The following PLBD2 variants were observed in gnomAD, a reference collection of about 807,000 sequenced individuals.
PLBD2 encodes phospholipase B domain containing 2.
Under a neutral mutation model 68.3 loss-of-function variants are expected in PLBD2, and 51 were observed. The ratio of observed to expected loss-of-function variants is 0.75; its 90% CI spans 0.60 to 0.94. The LOEUF is 0.94. Ranked by LOEUF, PLBD2 falls within the 40% of genes least tolerant of loss-of-function variation. The pLI is 0.00. For missense variants in PLBD2, 729 were observed against 792.2 expected (o/e 0.92, Z 0.96); for synonymous variants, 314 against 339.3 (o/e 0.93, Z 0.82).
Position 113,372,293 on chromosome 12 carries a change from G to A in PLBD2, c.385-356G>A, listed in dbSNP as rs1316433400. Among the ~76,000 whole-genome samples, 2 of 151,986 alleles carry A rather than the reference G, an allele frequency of 1.3e-5. No homozygotes were observed. The highest frequency in any genetic ancestry group is 4.8e-5 in the African/African-American group (2 of 41,390). Reference sequence around the variant, plus strand: ...GAATCAGAAGGGTTATTGCTGTTTTGTTCCCTGCTATGTCCTCAGTGCTTA... The same window carrying A: ...GAATCAGAAGGGTTATTGCTGTTTTATTCCCTGCTATGTCCTCAGTGCTTA... On this transcript the variant is annotated intron_variant, in intron 2 of 11. Transcript: ENST00000280800. This position sits in a 1 kb window ranked among gnomAD's most constrained non-coding sequence, Gnocchi z 4.2.
chr12:113,369,234 G>A (rs12146787), intron 2 of PLBD2, 25 bp downstream of exon 2: 98,733 of 1,557,850 alleles, frequency 0.063, 3,720 homozygotes, highest in Non-Finnish European at 0.077. Context: ...GGGGACATGG[G>A]GCTCCCACCC....
chr12:113,374,662 C>T (rs921745458), intron 4 of PLBD2, 88 bp downstream of exon 4: 2 of 1,447,556 alleles, frequency 1.4e-6, no homozygotes, highest in Non-Finnish European at 1.9e-6. Flanking sequence ...TCAACCTTGC[C>T]ACTCCCTGGC....
intron 5 of PLBD2, among the ~76,000 whole-genome samples, chr12:113,377,375 C>T (rs1957445068): frequency 6.6e-6 from 1 of 152,082 alleles, no homozygotes; most frequent in African/African-American, 2.4e-5. Flanking sequence ...TATCCCTTTC[C>T]AGGCACACCC....
In PLBD2 at chr12:113,358,665, CGCTGGCCCTGGT is replaced by C. The variant is rs1226944020; in HGVS notation, c.76_87del (p.Val26_Leu29del). 1.5e-5 allele frequency: 22 copies of C among 1,459,924 alleles called. No individual in the cohort carries two copies. Among genetic ancestry groups the C allele is most frequent in the East Asian group, 3.0e-5 (1 of 33,024 alleles). 90.4% of individuals were successfully genotyped at this position (1,459,924 alleles called of 1,614,324 possible). A position where few individuals can be genotyped will look rare whatever the true frequency, so the allele number is the denominator to read the frequency against. ...GCCCGGGCGCTGACGCGGGCGCTGGCGCTGGCCCTGGTGCTGGCCCTGCTGGTCGGGCCGTTC... is the reference window on the plus strand; with the variant it reads ...GCCCGGGCGCTGACGCGGGCGCTGGCGCTGGCCCTGCTGGTCGGGCCGTTC... On this transcript the variant is annotated inframe_deletion, in exon 1 of 12. Coordinates refer to ENST00000280800, the MANE Select transcript of PLBD2 (RefSeq NM_173542.4).
At chr12:113,380,231 G>A (rs988529910) in intron 5 of PLBD2, among the ~76,000 whole-genome samples, 15 of 152,084 alleles carry the variant, frequency 9.9e-5, no homozygotes, top group African/African-American at 3.6e-4. Context: ...CTGCCTCCCG[G>A]GTTCACGCCA....
chr12:113,372,524 G>A lies in PLBD2; in HGVS notation c.385-125G>A. 3.9e-6 allele frequency: 4 copies of A among 1,018,198 alleles called. No homozygotes were observed. The East Asian group carries it at 7.3e-5, about 19-fold the overall frequency. 63.1% of individuals were successfully genotyped at this position (1,018,198 alleles called of 1,614,324 possible). The stretch of plus-strand genomic sequence containing the variant: ...GAGAGGAGCCTCCAGGGAGAGGACA[G>A]CATGAGCAAGGACTCAGGTGGCCAC... On this transcript the variant is annotated intron_variant, in intron 2 of 11. Coordinates refer to ENST00000280800, the MANE Select transcript of PLBD2 (RefSeq NM_173542.4). This position sits in a 1 kb window ranked among gnomAD's most constrained non-coding sequence, Gnocchi z 4.2.
chr12:113,384,299 C>G lies in PLBD2; in HGVS notation c.1118+34C>G, dbSNP rs766326532. 2 of 1,584,876 alleles carry G rather than the reference C, an allele frequency of 1.3e-6. No homozygotes were observed. Among genetic ancestry groups the G allele is most frequent in the East Asian group, 2.2e-5 (1 of 44,512 alleles). On this transcript the variant is annotated intron_variant, in intron 7 of 11. Coordinates refer to ENST00000280800, the MANE Select transcript of PLBD2 (RefSeq NM_173542.4). This position sits in a 1 kb window ranked among gnomAD's most constrained non-coding sequence, Gnocchi z 4.2. ...GCTTCTGGCCCTGTGGCTTCCCCTG[C>G]ACCAAGAGATAGACCAACCTCCCCT...
At chr12:113,371,698 TCCACCCTAAACC>T (rs975529640) in intron 2 of PLBD2, among the ~76,000 whole-genome samples, 50 of 152,204 alleles carry the variant, frequency 3.3e-4, no homozygotes, top group African/African-American at 1.2e-3. Context: ...TCACTGAGCC[TCCACCCTAAACC>T]CCTGAGGGAA....
chr12:113,383,711 T>C (rs984091397), intron 6 of PLBD2, among the ~76,000 whole-genome samples: 4 of 151,306 alleles, frequency 2.6e-5, no homozygotes, highest in African/African-American at 9.7e-5. Context: ...TGAGCCACCA[T>C]GCCCGGCAGA....
Position 113,387,015 on chromosome 12 carries a change from G to C in PLBD2, c.1365G>C (p.Gly455=). The change falls in exon 10 of 12, where the codon GGG becomes GGC. Residue 455 remains glycine, a synonymous_variant. Transcript: ENST00000280800. ...ATGGGGACTGGTTTTCTTATGACGGGAGCCCCCGGGCCCAGATCTTCCGGC... is the reference window on the plus strand; with the variant it reads ...ATGGGGACTGGTTTTCTTATGACGGCAGCCCCCGGGCCCAGATCTTCCGGC... The part of the protein sequence containing the change: ...AQYGDWFSYD[G]SPRAQIFRRN... 6.2e-7 allele frequency: 1 copy of C among 1,612,496 alleles called. No homozygotes were observed. The highest frequency in any genetic ancestry group is 1.3e-5 in the African/African-American group (1 of 74,986).
intron 1 of PLBD2, among the ~76,000 whole-genome samples, chr12:113,363,865 T>C (rs540711143): frequency 2.6e-5 from 4 of 152,326 alleles, no homozygotes; most frequent in Non-Finnish European, 5.9e-5. Context: ...GAATTTTCTA[T>C]GCATAAAGAG....
rs752971010 is a variant in PLBD2, at chr12:113,384,950, C to A, written c.1214+4C>A. 2.4e-5 allele frequency: 16 copies of A among 659,170 alleles called. No homozygotes were observed. Among genetic ancestry groups the A allele is most frequent in the Non-Finnish European group, 4.0e-5 (15 of 378,422 alleles). The allele number at this position is 659,170 out of a possible 1,614,324, so 40.8% of individuals were successfully genotyped here. A position where few individuals can be genotyped will look rare whatever the true frequency, so the allele number is the denominator to read the frequency against. On this transcript the variant is annotated splice_donor_region_variant and intron_variant, in intron 8 of 11. Coordinates refer to ENST00000280800, the MANE Select transcript of PLBD2 (RefSeq NM_173542.4). The surrounding 1 kb of genome is among the most constrained non-coding windows in gnomAD (Gnocchi z 4.2). ...TTACCATCCTGGAGCAGATCCCGTG[C>A]GTACCCTGGGAGGGAGGGGTGGGGG...
intron 5 of PLBD2, 133 bp from the exon 6 acceptor site, chr12:113,380,612 G>A: frequency 1.5e-6 from 1 of 660,180 alleles, no homozygotes; most frequent in Non-Finnish European, 2.6e-6. Context: ...TTTGCTAAAT[G>A]ACAAAAAGGA....
intron 6 of PLBD2, among the ~76,000 whole-genome samples, chr12:113,383,786 AG>A (rs1315091116): frequency 6.6e-6 from 1 of 151,276 alleles, no homozygotes; most frequent in Non-Finnish European, 1.5e-5. Context: ...GGATCACTTG[AG>A]GTCAGGAGTT....
Position 113,372,778 on chromosome 12 carries a change from T to C in PLBD2, c.514T>C (p.Ser172Pro). The C allele has an allele frequency of 6.2e-7, 1 of 1,613,376 alleles. No homozygotes were observed. Among genetic ancestry groups the C allele is most frequent in the Non-Finnish European group, 8.5e-7 (1 of 1,179,884 alleles). ...AGAGTGGATGCAGGAAGAGATGGAG[T>C]CAAACCCAGACTCACCTTACTGGCA... ...NLEWMQEEMESNPDSPYWHQV... is the reference protein window; with the variant it reads ...NLEWMQEEMEPNPDSPYWHQV... Residue 172 changes from serine (S) to proline (P), a missense_variant, in exon 3 of 12, where the codon TCA (serine) becomes CCA (proline). Ser to Pro is a moderately conservative substitution (Grantham distance 74). Coordinates refer to ENST00000280800, the MANE Select transcript of PLBD2 (RefSeq NM_173542.4). This position sits in a 1 kb window ranked among gnomAD's most constrained non-coding sequence, Gnocchi z 4.2.
chr12:113,363,059 G>A (rs1005635855), intron 1 of PLBD2, among the ~76,000 whole-genome samples: 2 of 151,616 alleles, frequency 1.3e-5, no homozygotes, highest in Non-Finnish European at 2.9e-5. Flanking sequence ...GCCTCCCAAA[G>A]TGCTGGGATT....
At position 113,358,626 on chromosome 12, in the gene PLBD2, C is replaced by A. The variant is rs1226075654; in HGVS notation, c.26C>A (p.Pro9His). Residue 9 changes from proline (P) to histidine (H), a missense_variant, in exon 1 of 12, where the codon CCC (proline) becomes CAC (histidine). Transcript: ENST00000280800. ...ATGGTGGGCCAGATGTACTGCTACC[C>A]CGGCAGCCACCTGGCCCGGGCGCTG... Reference protein sequence around the residue: MVGQMYCYPGSHLARALTR... With the variant: MVGQMYCYHGSHLARALTR... 6.8e-7 allele frequency: 1 copy of A among 1,467,954 alleles called. No homozygotes were observed. Among genetic ancestry groups the A allele is most frequent in the Non-Finnish European group, 8.9e-7 (1 of 1,117,438 alleles). The allele number at this position is 1,467,954 out of a possible 1,614,324, so 90.9% of individuals were successfully genotyped here.
chr12:113,377,505 A>G (rs1261700182), intron 5 of PLBD2, among the ~76,000 whole-genome samples: 4 of 152,192 alleles, frequency 2.6e-5, no homozygotes, highest in African/African-American at 9.7e-5. Flanking sequence ...GGCTCACTGC[A>G]ACCTCTGCTT....
At chr12:113,363,951 G>T (rs908876586) in intron 1 of PLBD2, among the ~76,000 whole-genome samples, 1 of 152,178 alleles carries the variant, frequency 6.6e-6, no homozygotes. Flanking sequence ...GGCTTAGTTC[G>T]TGCCTACCAT....
Sources: allele counts gnomAD v4.1 joint callset (sites outside exome capture counted in the v4.1 genomes callset), GRCh38; gene constraint gnomAD v4.1.1; non-coding constraint Gnocchi (gnomAD v3.1); transcripts MANE v1.5; gene names NCBI Gene and HGNC (gene_info 2026-07-23, HGNC 2026-07-21).